The following ICA1 variants were observed in gnomAD, a reference collection of about 807,000 sequenced individuals.
ICA1 encodes 69 kDa islet cell autoantigen.
In ICA1, 40 loss-of-function variants were observed where a neutral mutation model predicts 71.0. The observed-to-expected ratio is 0.56, with a 90% confidence interval of 0.44 to 0.73. The LOEUF is 0.73. Ranked by LOEUF, ICA1 falls within the 30% of genes least tolerant of loss-of-function variation. ICA1 has a pLI of 0.00. For synonymous variants in ICA1, 207 were observed against 209.5 expected (o/e 0.99, Z 0.10); for missense variants, 578 against 576.5 (o/e 1.00, Z -0.03).
At chr7:8,164,886 TG>T (rs1380662552) in intron 6 of ICA1, among the ~76,000 whole-genome samples, 1 of 152,150 alleles carries the variant, frequency 6.6e-6, no homozygotes, top group Non-Finnish European at 1.5e-5. Context: ...AAGACCAGCC[TG>T]GGCAACATGG....
intron 13 of ICA1, among the ~76,000 whole-genome samples, chr7:8,115,700 T>G (rs1291293957): frequency 1.3e-5 from 2 of 152,236 alleles, no homozygotes; most frequent in African/African-American, 2.4e-5. Flanking sequence ...TTCAACTTCC[T>G]GTGGCCAACA....
rs62433204 is a variant in ICA1 at position 8,248,975 on chromosome 7, C to A, written c.-79-12970G>T. 7.0e-3 allele frequency among the ~76,000 whole-genome samples: 1,060 copies of A among 152,296 alleles called. 11 individuals carry two copies. Among genetic ancestry groups the A allele is most frequent in the Non-Finnish European group, 9.3e-3 (632 of 68,032 alleles). On this transcript the variant is annotated intron_variant, in intron 1 of 13. Coordinates refer to ENST00000402384, the MANE Select transcript of ICA1 (RefSeq NM_001136020.3). ...TCTTCATGGAATATAAATGGTAAGACCTCCTGACCAATAGTTTTTTATATA... is the reference window on the plus strand; with the variant it reads ...TCTTCATGGAATATAAATGGTAAGAACTCCTGACCAATAGTTTTTTATATA...
intron 1 of ICA1, among the ~76,000 whole-genome samples, chr7:8,239,939 T>G (rs1411794529): frequency 6.6e-6 from 1 of 152,190 alleles, no homozygotes; most frequent in Non-Finnish European, 1.5e-5. Flanking sequence ...GCAAGGCCTG[T>G]TGCCTCTGTA....
intron 6 of ICA1, among the ~76,000 whole-genome samples, chr7:8,175,161 G>A (rs1394908665): frequency 6.6e-6 from 1 of 152,122 alleles, no homozygotes; most frequent in South Asian, 2.1e-4. Flanking sequence ...AGAGTGGGCT[G>A]GCCAAGCTGA....
rs1009687649 is a variant in ICA1 at position 8,223,632 on chromosome 7, G to C, written c.257-2234C>G. 2 of 153,964 alleles carry C rather than the reference G, an allele frequency of 1.3e-5. No individual in the cohort carries two copies. Among genetic ancestry groups the C allele is most frequent in the East Asian group, 1.9e-4 (1 of 5,194 alleles). 9.5% of individuals were successfully genotyped at this position (153,964 alleles called of 1,614,324 possible). A position where few individuals can be genotyped will look rare whatever the true frequency, so the allele number is the denominator to read the frequency against. On this transcript the variant is annotated intron_variant, in intron 4 of 13. Coordinates refer to ENST00000402384, the MANE Select transcript of ICA1 (RefSeq NM_001136020.3). This position sits in a 1 kb window ranked among gnomAD's most constrained non-coding sequence, Gnocchi z 4.1. ...AAATTCAGGTATAACATAGGTATCA[G>C]GTAACGCAAAAGGGCTGAGTGTGGT...
chr7:8,115,518 C>T (rs1031135792), intron 13 of ICA1, among the ~76,000 whole-genome samples: 5 of 152,310 alleles, frequency 3.3e-5, no homozygotes, highest in Non-Finnish European at 5.9e-5. Flanking sequence ...CTTAGGAGGT[C>T]TTCTGAGCGT....
At chr7:8,179,790 C>G (rs1473312204) in intron 6 of ICA1, among the ~76,000 whole-genome samples, 1 of 151,814 alleles carries the variant, frequency 6.6e-6, no homozygotes, top group East Asian at 1.9e-4. Flanking sequence ...AAAGAGTTCT[C>G]CGAATATTTA....
intron 6 of ICA1, among the ~76,000 whole-genome samples, chr7:8,179,350 A>C (rs542990912): frequency 2.0e-5 from 3 of 152,176 alleles, no homozygotes; most frequent in Non-Finnish European, 2.9e-5. Context: ...TTCTAGCTAT[A>C]ATGTTGGAAG....
chr7:8,217,610 T>C (rs1484363806), intron 6 of ICA1, among the ~76,000 whole-genome samples: 1 of 152,232 alleles, frequency 6.6e-6, no homozygotes, highest in Non-Finnish European at 1.5e-5. Context: ...ACCAAGATTG[T>C]ACACAACAAA....
At chr7:8,239,474 C>G (rs920562665) in intron 1 of ICA1, among the ~76,000 whole-genome samples, 6 of 152,186 alleles carry the variant, frequency 3.9e-5, no homozygotes, top group Admixed American at 3.9e-4. Flanking sequence ...CAGCTCCCAG[C>G]GTGGCTGACG....
chr7:8,236,115 T>C (rs1312762134), intron 1 of ICA1, 110 bp from the exon 2 acceptor site: 1 of 594,228 alleles, frequency 1.7e-6, no homozygotes, highest in Non-Finnish European at 2.9e-6. Context: ...TATTTTAGGG[T>C]CTAACACTGT....
chr7:8,184,457 G>A (rs1213230044), intron 6 of ICA1, among the ~76,000 whole-genome samples: 1 of 152,154 alleles, frequency 6.6e-6, no homozygotes, highest in African/African-American at 2.4e-5. Context: ...CATATCATGG[G>A]TCATTTTGTT....
At position 8,222,603 on chromosome 7, in the gene ICA1, A is replaced by C. The variant is rs544352663; in HGVS notation, c.257-1205T>G. On this transcript the variant is annotated intron_variant, in intron 4 of 13. Transcript: ENST00000402384. The surrounding 1 kb of genome is among the most constrained non-coding windows in gnomAD (Gnocchi z 4.8). ...TCCAAAGGTGAAGGCTAAACTCGAT[A>C]CTGCTACCTTATTAATTTGTGACTA... Among the ~76,000 whole-genome samples, 2 of 152,308 alleles carry C rather than the reference A, an allele frequency of 1.3e-5. No individual in the cohort carries two copies. Among genetic ancestry groups the C allele is most frequent in the South Asian group, 4.1e-4 (2 of 4,822 alleles).
chr7:8,157,004 T>C, intron 8 of ICA1, 112 bp downstream of exon 8: 1 of 1,597,330 alleles, frequency 6.3e-7, no homozygotes, highest in Non-Finnish European at 8.5e-7. Context: ...AGTTCTCTCT[T>C]CAGCATTCTG....
intron 13 of ICA1, among the ~76,000 whole-genome samples, chr7:8,126,117 C>A (rs555191355): frequency 6.6e-6 from 1 of 152,342 alleles, no homozygotes; most frequent in Admixed American, 6.5e-5. Flanking sequence ...TGGGCTCTTA[C>A]AATGACTGAC....
At chr7:8,177,018 G>A (rs1780829547) in intron 6 of ICA1, among the ~76,000 whole-genome samples, 1 of 152,142 alleles carries the variant, frequency 6.6e-6, no homozygotes, top group Non-Finnish European at 1.5e-5. Context: ...AAAATGGAGT[G>A]TCAGCACTTC....
At chr7:8,185,356 C>T (rs1783575602) in intron 6 of ICA1, among the ~76,000 whole-genome samples, 1 of 152,194 alleles carries the variant, frequency 6.6e-6, no homozygotes, top group African/African-American at 2.4e-5. Flanking sequence ...ATTCACCCAT[C>T]CATGCATCTG....
chr7:8,136,798 T>G (rs1401807885), intron 12 of ICA1, among the ~76,000 whole-genome samples: 2 of 152,254 alleles, frequency 1.3e-5, no homozygotes, highest in East Asian at 3.8e-4. Flanking sequence ...GGGTATGGAC[T>G]GCTAGTCTAC....
At chr7:8,190,431 A>G (rs1427128505) in intron 6 of ICA1, among the ~76,000 whole-genome samples, 1 of 152,240 alleles carries the variant, frequency 6.6e-6, no homozygotes, top group Non-Finnish European at 1.5e-5. Context: ...CAAAAAAATA[A>G]TATTAATGGA....
Sources: allele counts gnomAD v4.1 joint callset (sites outside exome capture counted in the v4.1 genomes callset), GRCh38; gene constraint gnomAD v4.1.1; non-coding constraint Gnocchi (gnomAD v3.1); transcripts MANE v1.5; gene names NCBI Gene and HGNC (gene_info 2026-07-23, HGNC 2026-07-21).